SORCS3: variants seen among roughly 807,000 people sequenced by gnomAD.
SORCS3 encodes sortilin related VPS10 domain containing receptor 3.
In SORCS3, 57 loss-of-function variants were observed where a neutral mutation model predicts 146.3. That is an observed-to-expected ratio of 0.39 (90% CI 0.31 to 0.49). The LOEUF (loss-of-function observed/expected upper bound fraction) is 0.49, where lower values mean the gene tolerates loss of function less well. SORCS3 is among the 20% of genes least tolerant of loss of function. The pLI, the probability that SORCS3 is intolerant of heterozygous loss-of-function variation, is 0.92. For synonymous variants in SORCS3, 653 were observed against 618.5 expected (o/e 1.06, Z -0.83); for missense variants, 1,341 against 1,575.5 (o/e 0.85, Z 2.52).
intron 2 of SORCS3, among the ~76,000 whole-genome samples, chr10:104,849,906 C>T (rs1331057758): frequency 6.6e-6 from 1 of 151,778 alleles, no homozygotes; most frequent in Non-Finnish European, 1.5e-5. Context: ...TTCCTGTCTT[C>T]CCCTTTATGT....
At chr10:105,259,533 ACC>A (rs1212021248) in intron 25 of SORCS3, among the ~76,000 whole-genome samples, 1 of 152,200 alleles carries the variant, frequency 6.6e-6, no homozygotes, top group East Asian at 1.9e-4. Context: ...AATGAGTATC[ACC>A]TGGCCTCTCG....
chr10:104,648,802 GA>G (rs1483498276), intron 1 of SORCS3, among the ~76,000 whole-genome samples: 1 of 152,084 alleles, frequency 6.6e-6, no homozygotes, highest in Non-Finnish European at 1.5e-5. Flanking sequence ...AGTAAATTTG[GA>G]AAAAATAATG....
chr10:104,698,964 G>A (rs1194221165), intron 1 of SORCS3, among the ~76,000 whole-genome samples: 2 of 152,136 alleles, frequency 1.3e-5, no homozygotes, highest in African/African-American at 4.8e-5. Context: ...AATGGGAAAA[G>A]GAAGACGATT....
chr10:105,064,345 G>C (rs568692959), intron 5 of SORCS3, among the ~76,000 whole-genome samples: 1 of 152,302 alleles, frequency 6.6e-6, no homozygotes, highest in Non-Finnish European at 1.5e-5. Flanking sequence ...TCCAGAGAGA[G>C]AACCAATAGG....
intron 1 of SORCS3, among the ~76,000 whole-genome samples, chr10:104,778,022 TTAGA>T (rs756763725): frequency 2.7e-4 from 41 of 152,136 alleles, no homozygotes; most frequent in Non-Finnish European, 3.8e-4. Flanking sequence ...GAAAATACAG[TTAGA>T]TAGAAGGAAT....
chr10:104,918,689 C>T lies in SORCS3; in HGVS notation c.795+2757C>T, dbSNP rs766247406. On this transcript the variant is annotated intron_variant, in intron 3 of 26. Coordinates refer to ENST00000369701, the MANE Select transcript of SORCS3 (RefSeq NM_014978.3). ...TCCTAATTTAGTGCTCCTCCCATCC[C>T]ACACAAGTGCCTTGAGCATACTGGA... Among the ~76,000 whole-genome samples the T allele has an allele frequency of 2.3e-4, 35 of 152,134 alleles. 1 individual carries two copies. The highest frequency in any genetic ancestry group is 5.9e-4 in the Admixed American group (9 of 15,270).
At chr10:105,054,855 TAAAAC>T (rs1458172130) in intron 5 of SORCS3, among the ~76,000 whole-genome samples, 4 of 152,104 alleles carry the variant, frequency 2.6e-5, no homozygotes, top group Non-Finnish European at 5.9e-5. Flanking sequence ...TACAACCAAA[TAAAAC>T]CAAAATAGAA....
chr10:105,087,235 T>C (rs901936515), intron 5 of SORCS3, among the ~76,000 whole-genome samples: 18 of 152,114 alleles, frequency 1.2e-4, no homozygotes, highest in Admixed American at 9.8e-4. Flanking sequence ...ATCAGATGGA[T>C]GTAGATGTGT....
chr10:104,642,495 C>T (rs1296676064), intron 1 of SORCS3, among the ~76,000 whole-genome samples: 1 of 151,758 alleles, frequency 6.6e-6, no homozygotes, highest in Non-Finnish European at 1.5e-5. Flanking sequence ...GCGCAGTCCT[C>T]CAGCCCAAGA....
At chr10:104,666,462 A>T (rs541092406) in intron 1 of SORCS3, among the ~76,000 whole-genome samples, 4 of 152,316 alleles carry the variant, frequency 2.6e-5, no homozygotes, top group Non-Finnish European at 5.9e-5. Context: ...CGGATCCTTG[A>T]ATGGAGAATC....
chr10:105,216,974 G>A lies in SORCS3; in HGVS notation c.2586G>A (p.Gly862=), dbSNP rs1374540653. 2 of 1,614,148 alleles carry A rather than the reference G, an allele frequency of 1.2e-6. No homozygotes were observed. The highest frequency in any genetic ancestry group is 1.7e-6 in the Non-Finnish European group (2 of 1,180,022). The part of the protein sequence containing the change: ...LQRTNIQLDF[G]DGIAVSYANF... ...GGACAAACATCCAGCTTGACTTTGGGGATGGGATTGCTGTGTCCTACGCAA... is the reference window on the plus strand; with the variant it reads ...GGACAAACATCCAGCTTGACTTTGGAGATGGGATTGCTGTGTCCTACGCAA... The change falls in exon 19 of 27, where the codon GGG becomes GGA. Residue 862 remains glycine (G), a synonymous_variant. Transcript: ENST00000369701.
At chr10:105,175,101 G>C (rs1261372942) in intron 13 of SORCS3, among the ~76,000 whole-genome samples, 3 of 152,116 alleles carry the variant, frequency 2.0e-5, no homozygotes, top group Admixed American at 6.5e-5. Flanking sequence ...AGGCTGGAGT[G>C]CAATGGCACA....
At chr10:104,706,467 A>G (rs2016339491) in intron 1 of SORCS3, among the ~76,000 whole-genome samples, 2 of 152,036 alleles carry the variant, frequency 1.3e-5, no homozygotes, top group African/African-American at 2.4e-5. Flanking sequence ...TCGGCCTCCC[A>G]AAGTGCTGGG....
At chr10:104,850,262 G>C (rs963423444) in intron 2 of SORCS3, among the ~76,000 whole-genome samples, 11 of 152,240 alleles carry the variant, frequency 7.2e-5, no homozygotes, top group Middle Eastern at 3.4e-3. Flanking sequence ...ATTTAGTAAG[G>C]CTGGTCATTA....
At chr10:105,007,790 C>G (rs1171515422) in intron 4 of SORCS3, among the ~76,000 whole-genome samples, 1 of 152,094 alleles carries the variant, frequency 6.6e-6, no homozygotes, top group Non-Finnish European at 1.5e-5. Context: ...TTGTGCTGGG[C>G]ATAAAATGAT....
chr10:105,210,272 T>C (rs2056625927), intron 16 of SORCS3, among the ~76,000 whole-genome samples: 1 of 152,220 alleles, frequency 6.6e-6, no homozygotes, highest in Non-Finnish European at 1.5e-5. Context: ...TGGATTAATA[T>C]TTATATGTTC....
rs1309981093 is a variant in SORCS3 at position 105,164,313 on chromosome 10, C to T, written c.1743C>T (p.Gly581=). The T allele has an allele frequency of 3.7e-5, 59 of 1,613,018 alleles. No individual in the cohort carries two copies. Among genetic ancestry groups the T allele is most frequent in the Non-Finnish European group, 4.7e-5 (56 of 1,179,290 alleles). The part of the protein sequence containing the change: ...PGLVVATGNI[G]PELSYTDIGV... Reference sequence around the variant, plus strand: ...CTGCTTATGTTTCAGGCAACATTGGCCCGGAGCTCTCATATACTGATATTG... The same window carrying T: ...CTGCTTATGTTTCAGGCAACATTGGTCCGGAGCTCTCATATACTGATATTG... Residue 581 remains glycine, a synonymous_variant, in exon 12 of 27, where the codon GGC becomes GGT. Transcript: ENST00000369701.
chr10:104,907,718 A>G (rs1028669266), intron 2 of SORCS3, among the ~76,000 whole-genome samples: 3 of 152,226 alleles, frequency 2.0e-5, no homozygotes, highest in Admixed American at 1.3e-4. Flanking sequence ...AGACTAAACA[A>G]TGCAGCCATG....
intron 1 of SORCS3, among the ~76,000 whole-genome samples, chr10:104,793,199 A>G (rs1489083387): frequency 6.6e-6 from 1 of 152,288 alleles, no homozygotes; most frequent in East Asian, 1.9e-4. Context: ...TGAACTCTGT[A>G]AAATACACAG....
Sources: gnomAD v4.1 joint callset for allele counts (sites outside exome capture counted in the v4.1 genomes callset) on GRCh38, gnomAD v4.1.1 for gene constraint, MANE v1.5 for transcripts, NCBI Gene and HGNC (gene_info 2026-07-23, HGNC 2026-07-21) for gene names.